Variants in MAPK6 observed in about 807,000 individuals in gnomAD.
MAPK6 encodes the protein ERK-3.
A neutral mutation model predicts 59.3 loss-of-function variants in MAPK6; 19 were observed. The observed-to-expected ratio is 0.32, with a 90% CI of 0.22 to 0.47. The LOEUF is 0.47. Among genes scored for constraint, MAPK6 ranks in the 20% least tolerant of loss-of-function variants. The probability of loss-of-function intolerance (pLI) is 1.00; values close to 1 mark genes in which losing one functional copy is unlikely to be tolerated. For synonymous variants in MAPK6, 316 were observed against 290.3 expected (o/e 1.09, Z -0.90); for missense variants, 724 against 847.9 (o/e 0.85, Z 1.81).
At chr15:52,023,786 A>G (rs1008223614) in intron 1 of MAPK6, among the ~76,000 whole-genome samples, 3 of 151,624 alleles carry the variant, frequency 2.0e-5, no homozygotes, top group Non-Finnish European at 1.5e-5. Context: ...TAATTTTTGT[A>G]TTTTTTTTAG....
At chr15:52,004,983 T>C (rs564893870) in intron 3 of MAPK6, among the ~76,000 whole-genome samples, 1 of 152,330 alleles carries the variant, frequency 6.6e-6, no homozygotes, top group African/African-American at 2.4e-5. Context: ...TTTGACCTTC[T>C]TCCTTTGCAG....
intron 1 of MAPK6, among the ~76,000 whole-genome samples, chr15:52,039,488 A>G (rs2031346186): frequency 1.4e-5 from 2 of 146,620 alleles, no homozygotes; most frequent in South Asian, 2.3e-4. Flanking sequence ...ACAAATTGGT[A>G]GTAGTAGGTG....
chr15:51,972,861 T>C (rs1312880533), intron 1 of MAPK6, among the ~76,000 whole-genome samples: 1 of 151,316 alleles, frequency 6.6e-6, no homozygotes, highest in Non-Finnish European at 1.5e-5. Flanking sequence ...ATAAAAACAT[T>C]AGCCAGGCAT....
In MAPK6 at chr15:52,061,188, A is replaced by G. The variant is rs1481370793; in HGVS notation, c.866-111A>G. 10 of 765,252 alleles carry G rather than the reference A, an allele frequency of 1.3e-5. 1 individual carries two copies. In the Admixed American group the frequency reaches 2.1e-4, roughly 16 times the overall value. The allele number at this position is 765,252 out of a possible 1,614,324, so 47.4% of individuals were successfully genotyped here. On this transcript the variant is annotated intron_variant, in intron 4 of 5. Coordinates refer to ENST00000261845, the MANE Select transcript of MAPK6 (RefSeq NM_002748.4). ...GCTCATTTCCTGTTGTGTAGTATGT[A>G]GTGCTAAGGTAATCACTTAGCTAGT...
rs117221424 is a variant in MAPK6, at chr15:51,973,258, A to C, written c.-880+1352A>C. Among the ~76,000 whole-genome samples the C allele has an allele frequency of 8.7e-4, 132 of 152,122 alleles. 3 individuals are homozygous for C. Among genetic ancestry groups the C allele is most frequent in the Non-Finnish European group, 1.7e-3 (114 of 67,976 alleles). ...AAGATACATAGATAACCTGAAAACT[A>C]TCTGGAATACTGGAAAAACAAGTAT... On this transcript the variant is annotated intron_variant, in intron 1 of 7. Coordinates refer to the MAPK6 transcript ENST00000691380.
Position 52,035,284 on chromosome 15 carries a change from C to G in MAPK6, c.-631-10546C>G, listed in dbSNP as rs1440112627. 3.9e-5 allele frequency among the ~76,000 whole-genome samples: 6 copies of G among 152,192 alleles called. No individual in the cohort carries two copies. In the East Asian group the frequency reaches 9.6e-4, roughly 24 times the overall value. On this transcript the variant is annotated intron_variant, in intron 1 of 5. Transcript: ENST00000261845. The stretch of plus-strand genomic sequence containing the variant: ...CGCTGCCTTGAACATGGTAGAGGCT[C>G]TTTTCTTCATGGGATTCTCTCTGCT...
chr15:52,024,947 C>T (rs1041791218), intron 1 of MAPK6, among the ~76,000 whole-genome samples: 1 of 146,538 alleles, frequency 6.8e-6, no homozygotes, highest in Admixed American at 7.2e-5. Context: ...TCTCAAACTC[C>T]TGGCCTCCTA....
chr15:52,010,619 A>G (rs1306803246), intron 3 of MAPK6, among the ~76,000 whole-genome samples: 1 of 151,054 alleles, frequency 6.6e-6, no homozygotes, highest in East Asian at 1.9e-4. Context: ...CTTGGGTTCA[A>G]GCGATTCTCC....
chr15:52,039,216 G>A (rs117761016), intron 1 of MAPK6, among the ~76,000 whole-genome samples: 2,548 of 152,254 alleles, frequency 0.017, 25 homozygotes, highest in Non-Finnish European at 0.025. Context: ...GACCATGTTG[G>A]TCAGGCTGGT....
At chr15:51,993,940 G>A (rs760709922) in intron 2 of MAPK6, among the ~76,000 whole-genome samples, 2 of 150,040 alleles carry the variant, frequency 1.3e-5, no homozygotes, top group Admixed American at 6.7e-5. Flanking sequence ...CTTAGCTCTC[G>A]GTTTCTTTTT....
chr15:52,026,698 T>G (rs1449160240), intron 1 of MAPK6, among the ~76,000 whole-genome samples: 1 of 152,204 alleles, frequency 6.6e-6, no homozygotes, highest in Non-Finnish European at 1.5e-5. Context: ...TGCTCTTGTT[T>G]GTAAAATGAC....
chr15:52,013,022 T>A (rs1311200249), intron 3 of MAPK6, among the ~76,000 whole-genome samples: 8 of 33,822 alleles, frequency 2.4e-4, no homozygotes, highest in East Asian at 1.4e-3. Context: ...AAAAAAAAAA[T>A]ATATATATAT....
At chr15:52,029,406 C>A (rs917393777) in intron 1 of MAPK6, among the ~76,000 whole-genome samples, 1 of 150,780 alleles carries the variant, frequency 6.6e-6, no homozygotes, top group South Asian at 2.1e-4. Flanking sequence ...GTTTTTTTTT[C>A]ACCCTCTTTT....
At chr15:52,061,177 G>T (rs1267512199) in intron 4 of MAPK6, 122 bp from the exon 5 acceptor site, 1 of 708,708 alleles carries the variant, frequency 1.4e-6, no homozygotes, top group East Asian at 2.5e-5. Flanking sequence ...ATTTCCTGTT[G>T]TGTAGTATGT....
intron 2 of MAPK6, among the ~76,000 whole-genome samples, chr15:51,989,785 G>C (rs1353146141): frequency 1.3e-5 from 2 of 151,506 alleles, no homozygotes; most frequent in Admixed American, 1.3e-4. Flanking sequence ...TTTTATTTTT[G>C]TAGAGAAAGG....
rs145258990 is a variant in MAPK6 at position 52,046,424 on chromosome 15, C to T, written c.-37C>T. The T allele has an allele frequency of 1.7e-4, 250 of 1,476,108 alleles. No individual in the cohort carries two copies. In the East Asian group the frequency reaches 5.6e-3, roughly 33 times the overall value. The allele number at this position is 1,476,108 out of a possible 1,614,324, so 91.4% of individuals were successfully genotyped here. A position where few individuals can be genotyped will look rare whatever the true frequency, so the allele number is the denominator to read the frequency against. On this transcript the variant is annotated 5_prime_UTR_variant, in exon 2 of 6. Coordinates refer to ENST00000261845, the MANE Select transcript of MAPK6 (RefSeq NM_002748.4). ...GTTTTCTTCCTTGTTTACACAAGTTCAATTTGAAAGGAAAAGGCAATAGTA... is the reference window on the plus strand; with the variant it reads ...GTTTTCTTCCTTGTTTACACAAGTTTAATTTGAAAGGAAAAGGCAATAGTA...
intron 5 of MAPK6, among the ~76,000 whole-genome samples, chr15:52,061,872 A>C (rs1214950089): frequency 6.6e-6 from 1 of 152,100 alleles, no homozygotes; most frequent in Non-Finnish European, 1.5e-5. Context: ...TATATGGGAA[A>C]AGTTAAATGC....
upstream of MAPK6, chr15:52,017,063 A>C (rs2030292497): frequency 6.4e-6 from 1 of 155,244 alleles, no homozygotes; most frequent in African/African-American, 2.4e-5. Context: ...AAAACAAACA[A>C]ACAAACAAAC....
intron 1 of MAPK6, among the ~76,000 whole-genome samples, chr15:52,041,174 C>T (rs776483090): frequency 1.3e-5 from 2 of 151,776 alleles, no homozygotes; most frequent in East Asian, 3.9e-4. Context: ...TGGGTCTAAG[C>T]TTTAAACTTT....
Sources: gnomAD v4.1 joint callset for allele counts (sites outside exome capture counted in the v4.1 genomes callset) on GRCh38, gnomAD v4.1.1 for gene constraint, MANE v1.5 for transcripts, NCBI Gene and HGNC (gene_info 2026-07-23, HGNC 2026-07-21) for gene names.